SGCD: variants seen among roughly 807,000 people sequenced by gnomAD.
SGCD encodes delta-sarcoglycan.
SGCD carries 18 observed loss-of-function variants against 36.6 expected under a neutral mutation model. The observed-to-expected ratio is 0.49, with a 90% confidence interval of 0.34 to 0.73. The LOEUF (loss-of-function observed/expected upper bound fraction) is 0.73. Among genes scored for constraint, SGCD ranks in the 30% least tolerant of loss-of-function variants. The pLI is 0.01. For missense variants in SGCD, 387 were observed against 346.7 expected, an observed-to-expected ratio of 1.12 and a Z score of -0.92; for synonymous variants, 133 against 130.6, an observed-to-expected ratio of 1.02 and a Z score of -0.12.
At chr5:156,148,765 T>A (rs563545340) in intron 3 of SGCD, among the ~76,000 whole-genome samples, 6 of 152,310 alleles carry the variant, frequency 3.9e-5, no homozygotes, top group African/African-American at 1.4e-4. Flanking sequence ...TTAAGCTTCA[T>A]GCCTATGTGC....
intron 1 of SGCD, among the ~76,000 whole-genome samples, chr5:156,114,742 TA>T (rs1761869620): frequency 6.6e-6 from 1 of 152,144 alleles, no homozygotes; most frequent in African/African-American, 2.4e-5. Flanking sequence ...TTCAGTAAAT[TA>T]CAAGCCATAT....
At chr5:156,581,762 G>A (rs111286392) in intron 4 of SGCD, among the ~76,000 whole-genome samples, 6,375 of 152,308 alleles carry the variant, frequency 0.042, 200 homozygotes, top group East Asian at 0.17. Flanking sequence ...TGTGCCATTT[G>A]CTAAGACCAT....
intron 1 of SGCD, among the ~76,000 whole-genome samples, chr5:155,872,174 G>C (rs370900631): frequency 1.8e-4 from 28 of 152,300 alleles, no homozygotes; most frequent in African/African-American, 6.7e-4. Context: ...AAATTAATGA[G>C]TTACCCTTTC....
At chr5:156,354,794 C>A (rs1346721718) in intron 3 of SGCD, among the ~76,000 whole-genome samples, 1 of 152,162 alleles carries the variant, frequency 6.6e-6, no homozygotes, top group Non-Finnish European at 1.5e-5. Flanking sequence ...AGAGAAGCAG[C>A]AAATCCCAAG....
chr5:155,789,589 G>T, the SGCD span, among the ~76,000 whole-genome samples: 7 of 152,048 alleles, frequency 4.6e-5, no homozygotes, highest in Non-Finnish European at 1.0e-4. Flanking sequence ...GCAAATGAAA[G>T]CTGACAAGGT....
chr5:155,888,127 T>C (rs1756047669), intron 1 of SGCD, among the ~76,000 whole-genome samples: 1 of 152,184 alleles, frequency 6.6e-6, no homozygotes, highest in South Asian at 2.1e-4. Context: ...CTGAAATCAA[T>C]TCCCTTCTCC....
At chr5:156,219,847 G>C (rs1764675134) in intron 3 of SGCD, among the ~76,000 whole-genome samples, 3 of 152,176 alleles carry the variant, frequency 2.0e-5, no homozygotes. Flanking sequence ...TATTGGAGAA[G>C]TATTTTAGAT....
intron 3 of SGCD, among the ~76,000 whole-genome samples, chr5:156,286,988 G>A (rs960670923): frequency 6.6e-5 from 10 of 152,020 alleles, no homozygotes; most frequent in East Asian, 1.9e-4. Flanking sequence ...GACAGATGCC[G>A]TTGTGAATAA....
chr5:156,262,894 C>A (rs1765902366), intron 3 of SGCD, among the ~76,000 whole-genome samples: 1 of 148,720 alleles, frequency 6.7e-6, no homozygotes, highest in Non-Finnish European at 1.5e-5. Context: ...GAATAGTATT[C>A]CATGGTGTGT....
chr5:156,329,653 A>G, intron 2 of SGCD, 74 bp downstream of exon 2: 2 of 1,373,408 alleles, frequency 1.5e-6, no homozygotes, highest in Admixed American at 1.9e-5. Context: ...TAAACTTTTG[A>G]AAAAGAGAAC....
intron 3 of SGCD, among the ~76,000 whole-genome samples, chr5:156,287,625 C>A (rs1175510306): frequency 8.2e-6 from 1 of 122,266 alleles, no homozygotes; most frequent in Admixed American, 8.7e-5. Context: ...AGTTCCGTTT[C>A]TTTGTGTGTG....
At chr5:156,611,328 T>G (rs1460640338) in intron 6 of SGCD, among the ~76,000 whole-genome samples, 1 of 152,346 alleles carries the variant, frequency 6.6e-6, no homozygotes, top group South Asian at 2.1e-4. Flanking sequence ...AGCTTTTGCT[T>G]GTGTGCAAAA....
intron 5 of SGCD, among the ~76,000 whole-genome samples, chr5:156,592,477 G>T (rs1346290468): frequency 6.6e-6 from 1 of 152,122 alleles, no homozygotes; most frequent in African/African-American, 2.4e-5. Flanking sequence ...GGACATCTCA[G>T]CTCTTTCAAG....
chr5:156,182,520 T>C (rs1763633774), intron 3 of SGCD, among the ~76,000 whole-genome samples: 1 of 151,824 alleles, frequency 6.6e-6, no homozygotes, highest in Non-Finnish European at 1.5e-5. Context: ...GAGCCCAGTA[T>C]GGGGAGGTGG....
At chr5:156,708,647 C>A (rs1445075868) in intron 7 of SGCD, among the ~76,000 whole-genome samples, 1 of 96,872 alleles carries the variant, frequency 1.0e-5, no homozygotes, top group East Asian at 3.3e-4. Context: ...CAGGATAAAG[C>A]ACTACTCTTC....
chr5:156,086,225 A>G (rs1185765934), intron 1 of SGCD, among the ~76,000 whole-genome samples: 6 of 152,256 alleles, frequency 3.9e-5, no homozygotes, highest in Non-Finnish European at 8.8e-5. Context: ...TATGATGTAT[A>G]CAATTTTGGG....
intron 1 of SGCD, among the ~76,000 whole-genome samples, chr5:155,925,727 C>T (rs959087749): frequency 8.5e-5 from 13 of 152,100 alleles, no homozygotes; most frequent in African/African-American, 3.1e-4. Context: ...GGGATCCTCC[C>T]ACCTCAGCCT....
At chr5:155,849,986 C>T in the SGCD span, among the ~76,000 whole-genome samples, 1 of 152,256 alleles carries the variant, frequency 6.6e-6, no homozygotes, top group Non-Finnish European at 1.5e-5. Context: ...GAATGAATGA[C>T]CATATCATTT....
intron 1 of SGCD, among the ~76,000 whole-genome samples, chr5:155,975,478 C>G (rs895272286): frequency 6.6e-6 from 1 of 151,964 alleles, no homozygotes; most frequent in Non-Finnish European, 1.5e-5. Context: ...TGGAGAAACT[C>G]TCACCTGGCA....
Sources: gnomAD v4.1 joint callset for allele counts (sites outside exome capture counted in the v4.1 genomes callset) on GRCh38, gnomAD v4.1.1 for gene constraint, MANE v1.5 for transcripts, NCBI Gene and HGNC (gene_info 2026-07-23, HGNC 2026-07-21) for gene names.